The following UBIAD1 variants were observed in gnomAD, a reference collection of about 807,000 sequenced individuals.
UBIAD1 encodes the protein ubiA prenyltransferase domain-containing protein 1.
A neutral mutation model predicts 20.1 loss-of-function variants in UBIAD1; 12 were observed. That is an observed-to-expected ratio of 0.60 (90% confidence interval 0.38 to 0.97). UBIAD1 has a LOEUF of 0.97. UBIAD1 is among the 50% of genes least tolerant of loss of function. The pLI, the probability that UBIAD1 is intolerant of heterozygous loss-of-function variation, is 0.00. For missense variants in UBIAD1, 333 were observed against 419.5 expected (o/e 0.79, Z 1.80); for synonymous variants, 207 against 189.2 (o/e 1.09, Z -0.77).
rs1651847700 is a variant in UBIAD1, at chr1:11,273,365, A to G, written c.-167A>G. The G allele has an allele frequency of 2.6e-6, 2 of 777,416 alleles. No homozygotes were observed. Among genetic ancestry groups the G allele is most frequent in the Non-Finnish European group, 4.2e-6 (2 of 479,570 alleles). 48.2% of individuals were successfully genotyped at this position (777,416 alleles called of 1,614,324 possible). A position where few individuals can be genotyped will look rare whatever the true frequency, so the allele number is the denominator to read the frequency against. On this transcript the variant is annotated 5_prime_UTR_variant, in exon 1 of 2. Coordinates refer to ENST00000376810, the MANE Select transcript of UBIAD1 (RefSeq NM_013319.3). The surrounding 1 kb of genome is among the most constrained non-coding windows in gnomAD (Gnocchi z 4.9). Reference sequence around the variant, plus strand: ...GGCGCCGCTTGGCCTCGTGGGGTGTAAGACCCACTTGCTGTTGCCCCCGGA... The same window carrying G: ...GGCGCCGCTTGGCCTCGTGGGGTGTGAGACCCACTTGCTGTTGCCCCCGGA...
chr1:11,286,701 A>G lies in UBIAD1; in HGVS notation c.*570A>G, dbSNP rs904153946. 1 of 159,374 alleles carries G rather than the reference A, an allele frequency of 6.3e-6. No homozygotes were observed. Among genetic ancestry groups the G allele is most frequent in the African/African-American group, 2.4e-5 (1 of 41,452 alleles). 9.9% of individuals were successfully genotyped at this position (159,374 alleles called of 1,614,324 possible). A position where few individuals can be genotyped will look rare whatever the true frequency, so the allele number is the denominator to read the frequency against. ...CTGTGTGGCTGTCAGCTTTTTGCCT[A>G]AATTGTGATTCAGATGCTTTTGTTC... On this transcript the variant is annotated 3_prime_UTR_variant, in exon 2 of 2. Transcript: ENST00000376810.
chr1:11,291,623 A>AAG (rs1242753696), downstream of UBIAD1, among the ~76,000 whole-genome samples: 44 of 152,088 alleles, frequency 2.9e-4, no homozygotes, highest in African/African-American at 5.5e-4. Flanking sequence ...AAAAAAAAAA[A>AAG]AAGAAATATG....
At chr1:11,289,601 C>T (rs112422711), downstream of UBIAD1, among the ~76,000 whole-genome samples, 700 of 152,030 alleles carry the variant, frequency 4.6e-3, 6 homozygotes, top group South Asian at 0.014. Flanking sequence ...GTCTCAGTGT[C>T]GCCTGGGCTA....
exon 2 of UBIAD1, chr1:11,294,981 G>C (rs1157744181): frequency 1.4e-6 from 1 of 716,926 alleles, no homozygotes; most frequent in African/African-American, 1.7e-5. Context: ...TGAGAATGGG[G>C]CTGGCCACCT....
intron 1 of UBIAD1, among the ~76,000 whole-genome samples, chr1:11,281,174 A>G (rs1280791987): frequency 1.3e-5 from 2 of 151,584 alleles, no homozygotes; most frequent in African/African-American, 4.9e-5. Context: ...TCACTTTCTC[A>G]CTTCCTTCAC....
chr1:11,277,161 T>A (rs538992045), intron 1 of UBIAD1, among the ~76,000 whole-genome samples: 1 of 151,956 alleles, frequency 6.6e-6, no homozygotes, highest in African/African-American at 2.4e-5. Context: ...CGCTTGAACC[T>A]GGGAGGTTGT....
chr1:11,290,419 C>T (rs1161928933), downstream of UBIAD1, among the ~76,000 whole-genome samples: 1 of 152,224 alleles, frequency 6.6e-6, no homozygotes, highest in Non-Finnish European at 1.5e-5. Flanking sequence ...AAGCCCCTTC[C>T]TGGTGACAAG....
intron 1 of UBIAD1, among the ~76,000 whole-genome samples, chr1:11,284,190 CT>C (rs1325261977): frequency 1.3e-5 from 2 of 152,136 alleles, no homozygotes. Flanking sequence ...TCAAATGTGG[CT>C]TAGGGGTGAG....
In UBIAD1 at chr1:11,273,588, C is replaced by CA. The variant is rs1161277988; in HGVS notation, c.60dup (p.Ala21SerfsTer16). On this transcript the variant is annotated frameshift_variant, in exon 1 of 2. Transcript: ENST00000376810. LOFTEE classifies it high-confidence loss of function. This position sits in a 1 kb window ranked among gnomAD's most constrained non-coding sequence, Gnocchi z 4.9. The stretch of plus-strand genomic sequence containing the variant: ...TTAACATCCTGTCGGGAGAGACTGT[C>CA]AAAGCTGGGGACAGGGACCCGCTGG... 1.9e-6 allele frequency: 3 copies of CA among 1,613,756 alleles called. No individual in the cohort carries two copies. The South Asian group carries it at 3.3e-5, about 18-fold the overall frequency.
At position 11,287,013 on chromosome 1, in the gene UBIAD1, A is replaced by G. The variant is rs1392075822; in HGVS notation, c.*882A>G. On this transcript the variant is annotated 3_prime_UTR_variant, in exon 2 of 2. Coordinates refer to ENST00000376810, the MANE Select transcript of UBIAD1 (RefSeq NM_013319.3). ...CACAGGGCTTTTCCCTCCCTATTGCATCTTCTGATGCTCCCCACACCTACC... is the reference window on the plus strand; with the variant it reads ...CACAGGGCTTTTCCCTCCCTATTGCGTCTTCTGATGCTCCCCACACCTACC... 1.3e-5 allele frequency: 2 copies of G among 152,188 alleles called. No individual in the cohort carries two copies. Among genetic ancestry groups the G allele is most frequent in the Admixed American group, 6.6e-5 (1 of 15,266 alleles). The allele number at this position is 152,188 out of a possible 1,614,324, so 9.4% of individuals were successfully genotyped here. A position where few individuals can be genotyped will look rare whatever the true frequency, so the allele number is the denominator to read the frequency against.
Position 11,273,809 on chromosome 1 carries a change from C to A in UBIAD1, c.278C>A (p.Ala93Asp). ...GTGGGTTGTGCCGTGGCTGTCCTGG[C>A]TGTGCACGGGGCCGGTAATTTGGTC... ...LLVGCAVAVL[A>D]VHGAGNLVNT... Residue 93 changes from alanine (A) to aspartate (D), a missense_variant, in exon 1 of 2, where the codon GCT becomes GAT. Physicochemically the swap from Ala to Asp is moderately radical, Grantham distance 126. This residue lies in a region of UBIAD1 where 50 missense variants were observed against 101.2 expected (regional missense o/e 0.49). Coordinates refer to ENST00000376810, the MANE Select transcript of UBIAD1 (RefSeq NM_013319.3). This position sits in a 1 kb window ranked among gnomAD's most constrained non-coding sequence, Gnocchi z 4.9. 1 of 1,614,196 alleles carries A rather than the reference C, an allele frequency of 6.2e-7. No homozygotes were observed. Among genetic ancestry groups the A allele is most frequent in the Non-Finnish European group, 8.5e-7 (1 of 1,180,038 alleles).
exon 2 of UBIAD1, chr1:11,294,899 G>A: frequency 4.2e-6 from 3 of 717,492 alleles, no homozygotes; most frequent in Non-Finnish European, 7.8e-6. Context: ...GAAGCAGAGT[G>A]CCCACATCAG....
chr1:11,282,558 CTTTTTTTTT>C (rs34509238), intron 1 of UBIAD1, among the ~76,000 whole-genome samples: 2 of 128,110 alleles, frequency 1.6e-5, no homozygotes, highest in African/African-American at 6.0e-5. Context: ...GCTTACATCA[CTTTTTTTTT>C]TTTTTTTTTT....
downstream of UBIAD1, among the ~76,000 whole-genome samples, chr1:11,289,108 T>C (rs1051480972): frequency 6.6e-6 from 1 of 152,220 alleles, no homozygotes; most frequent in Non-Finnish European, 1.5e-5. Context: ...CAATATATCC[T>C]ATGAACAAGG....
chr1:11,285,090 C>T lies in UBIAD1; in HGVS notation c.530-554C>T, dbSNP rs530874162. Reference sequence around the variant, plus strand: ...AGCAGCATTATAACTCTCCTGTCCTCGCTGTTTTGCTTATCGCAGGGGTGC... The same window carrying T: ...AGCAGCATTATAACTCTCCTGTCCTTGCTGTTTTGCTTATCGCAGGGGTGC... On this transcript the variant is annotated intron_variant, in intron 1 of 1. Coordinates refer to ENST00000376810, the MANE Select transcript of UBIAD1 (RefSeq NM_013319.3). This position sits in a 1 kb window ranked among gnomAD's most constrained non-coding sequence, Gnocchi z 4.4. Among the ~76,000 whole-genome samples, 4 of 152,246 alleles carry T rather than the reference C, an allele frequency of 2.6e-5. No homozygotes were observed. Among genetic ancestry groups the T allele is most frequent in the East Asian group, 1.9e-4 (1 of 5,174 alleles).
At chr1:11,275,558 T>G (rs1471581103) in intron 1 of UBIAD1, among the ~76,000 whole-genome samples, 3 of 151,984 alleles carry the variant, frequency 2.0e-5, no homozygotes, top group African/African-American at 7.3e-5. Context: ...CTGGGCAACA[T>G]AGACCCCTGT....
In UBIAD1 at chr1:11,285,982, A is replaced by T. The variant is rs748924435; in HGVS notation, c.868A>T (p.Ile290Phe). 15 of 1,614,128 alleles carry T rather than the reference A, an allele frequency of 9.3e-6. No homozygotes were observed. The highest frequency in any genetic ancestry group is 1.3e-5 in the Non-Finnish European group (15 of 1,180,040). ...TISLALPLLT[I>F]PMAFSLERQF... ...CAGCCTGGCACTCCCCCTGCTTACCATTCCCATGGCCTTCTCCCTTGAGAG... is the reference window on the plus strand; with the variant it reads ...CAGCCTGGCACTCCCCCTGCTTACCTTTCCCATGGCCTTCTCCCTTGAGAG... The change falls in exon 2 of 2, where the codon ATT (isoleucine) becomes TTT (phenylalanine). Residue 290 changes from isoleucine (I) to phenylalanine (F), a missense_variant. Ile to Phe is a conservative substitution (Grantham distance 21). Around this residue, in one of 3 missense-constraint regions of UBIAD1, gnomAD observed 226 missense variants for 263.5 expected, o/e 0.86. Transcript: ENST00000376810. This position sits in a 1 kb window ranked among gnomAD's most constrained non-coding sequence, Gnocchi z 4.4.
At chr1:11,289,602 G>A (rs946415473), downstream of UBIAD1, among the ~76,000 whole-genome samples, 3 of 151,760 alleles carry the variant, frequency 2.0e-5, no homozygotes, top group Non-Finnish European at 2.9e-5. Context: ...TCTCAGTGTC[G>A]CCTGGGCTAG....
chr1:11,275,397 G>A (rs899993317), intron 1 of UBIAD1, among the ~76,000 whole-genome samples: 3 of 152,060 alleles, frequency 2.0e-5, no homozygotes, highest in Admixed American at 6.6e-5. Context: ...GCAAAGAATG[G>A]GACACAGATT....
Sources: gnomAD v4.1 joint callset for allele counts (sites outside exome capture counted in the v4.1 genomes callset) on GRCh38, gnomAD v4.1.1 for gene constraint, gnomAD v4.1.1 regional missense constraint, Gnocchi (gnomAD v3.1) non-coding constraint, MANE v1.5 for transcripts, NCBI Gene and HGNC (gene_info 2026-07-23, HGNC 2026-07-21) for gene names.